The following TMEM135 variants were observed in gnomAD, a reference collection of about 807,000 sequenced individuals.
The protein encoded by TMEM135 is transmembrane protein 135.
TMEM135 carries 30 observed loss-of-function variants against 60.3 expected under a neutral mutation model. The ratio of observed to expected loss-of-function variants is 0.50; its 90% confidence interval spans 0.37 to 0.68. TMEM135 has a LOEUF of 0.68. Ranked by LOEUF, TMEM135 falls within the 30% of genes least tolerant of loss-of-function variation. The pLI, the probability that TMEM135 is intolerant of heterozygous loss-of-function variation, is 0.00. For synonymous variants in TMEM135, 190 were observed against 186.7 expected, an observed-to-expected ratio of 1.02 and a Z score of -0.14; for missense variants, 468 against 548.8, an observed-to-expected ratio of 0.85 and a Z score of 1.47.
At chr11:87,111,248 G>T (rs2168467) in intron 4 of TMEM135, among the ~76,000 whole-genome samples, 1 of 151,736 alleles carries the variant, frequency 6.6e-6, no homozygotes, top group Non-Finnish European at 1.5e-5. Flanking sequence ...GGATTTTTTT[G>T]TTTCACATCT....
chr11:87,168,103 G>A (rs1939116527), intron 5 of TMEM135, among the ~76,000 whole-genome samples: 1 of 152,126 alleles, frequency 6.6e-6, no homozygotes, highest in African/African-American at 2.4e-5. Context: ...GCATAGAGGT[G>A]TTTCTAGTAT....
At chr11:87,168,794 G>T (rs557876023) in intron 5 of TMEM135, among the ~76,000 whole-genome samples, 2 of 152,158 alleles carry the variant, frequency 1.3e-5, no homozygotes, top group Non-Finnish European at 2.9e-5. Flanking sequence ...GATTTGGGTT[G>T]GAGATTTCTG....
chr11:87,218,661 G>T (rs1185970821), intron 5 of TMEM135, among the ~76,000 whole-genome samples: 1 of 152,078 alleles, frequency 6.6e-6, no homozygotes, highest in African/African-American at 2.4e-5. Flanking sequence ...AACTCACAGG[G>T]CTATAAAAAT....
chr11:87,238,882 C>A (rs1941066602), intron 6 of TMEM135, among the ~76,000 whole-genome samples: 1 of 151,906 alleles, frequency 6.6e-6, no homozygotes, highest in Non-Finnish European at 1.5e-5. Context: ...CGTGAAAATT[C>A]CTAACAGAAC....
chr11:87,122,658 G>A (rs1236041170), intron 4 of TMEM135, among the ~76,000 whole-genome samples: 3 of 151,736 alleles, frequency 2.0e-5, no homozygotes, highest in African/African-American at 7.3e-5. Flanking sequence ...ACGGGGTTTC[G>A]CCATGTTGGC....
At chr11:87,185,793 A>G (rs1939638719) in intron 5 of TMEM135, among the ~76,000 whole-genome samples, 2 of 152,244 alleles carry the variant, frequency 1.3e-5, no homozygotes, top group South Asian at 2.1e-4. Flanking sequence ...ACATTATTCA[A>G]AATGATGCAT....
intron 5 of TMEM135, among the ~76,000 whole-genome samples, chr11:87,234,561 A>G (rs1324066726): frequency 2.6e-5 from 4 of 152,034 alleles, no homozygotes; most frequent in Non-Finnish European, 5.9e-5. Context: ...TATCTAGATC[A>G]CTTATGTCAG....
At chr11:87,261,218 C>G (rs1371512186) in intron 6 of TMEM135, among the ~76,000 whole-genome samples, 1 of 152,148 alleles carries the variant, frequency 6.6e-6, no homozygotes, top group Non-Finnish European at 1.5e-5. Context: ...TATCAGGTCT[C>G]TTTCCCCTCC....
At position 87,325,007 on chromosome 11, in the gene TMEM135, G is replaced by A. The variant is rs1161413753; in HGVS notation, c.*3674G>A. On this transcript the variant is annotated 3_prime_UTR_variant, in exon 15 of 15. Coordinates refer to ENST00000305494, the MANE Select transcript of TMEM135 (RefSeq NM_022918.4). ...GTAATAAGGTTACCTTCATTGTGGA[G>A]GTGATGTTTACAATTGCCTCCAGCC... 1 of 453,838 alleles carries A rather than the reference G, an allele frequency of 2.2e-6. No homozygotes were observed. Among genetic ancestry groups the A allele is most frequent in the Non-Finnish European group, 4.4e-6 (1 of 226,748 alleles). 28.1% of individuals were successfully genotyped at this position (453,838 alleles called of 1,614,324 possible).
chr11:87,285,664 A>G (rs1942150985), intron 6 of TMEM135, among the ~76,000 whole-genome samples: 1 of 152,218 alleles, frequency 6.6e-6, no homozygotes, highest in Non-Finnish European at 1.5e-5. Flanking sequence ...TGCGGACCTA[A>G]AGAGTGAGCA....
At chr11:87,291,453 C>A (rs1242379564) in intron 6 of TMEM135, among the ~76,000 whole-genome samples, 1 of 151,540 alleles carries the variant, frequency 6.6e-6, no homozygotes. Flanking sequence ...CATCGTTCCC[C>A]TCCTAACTTG....
At chr11:87,287,996 T>C (rs1433524553) in intron 6 of TMEM135, among the ~76,000 whole-genome samples, 1 of 152,168 alleles carries the variant, frequency 6.6e-6, no homozygotes, top group Non-Finnish European at 1.5e-5. Context: ...TATATAAATT[T>C]ATGCTTATTG....
chr11:87,229,727 G>A (rs1397633503), intron 5 of TMEM135, among the ~76,000 whole-genome samples: 1 of 152,078 alleles, frequency 6.6e-6, no homozygotes, highest in African/African-American at 2.4e-5. Flanking sequence ...TATGCTTTGT[G>A]TATGTAAAAT....
At chr11:87,282,643 G>C (rs996111020) in intron 6 of TMEM135, among the ~76,000 whole-genome samples, 1 of 152,152 alleles carries the variant, frequency 6.6e-6, no homozygotes, top group Admixed American at 6.5e-5. Context: ...GAAGACCATT[G>C]TTCTCTACTT....
At chr11:87,133,059 A>G (rs576714552) in intron 4 of TMEM135, among the ~76,000 whole-genome samples, 1 of 152,324 alleles carries the variant, frequency 6.6e-6, no homozygotes, top group South Asian at 2.1e-4. Context: ...CATAGCATCT[A>G]TAGCGTGGAT....
At chr11:87,202,012 A>ATGTTATGTTACGTT (rs1565484440) in intron 5 of TMEM135, among the ~76,000 whole-genome samples, 12 of 24,136 alleles carry the variant, frequency 5.0e-4, no homozygotes, top group African/African-American at 2.0e-3. Flanking sequence ...TATGTTATGT[A>ATGTTATGTTACGTT]ATGTTATGTT....
chr11:87,277,145 T>C (rs1941983177), intron 6 of TMEM135: 1 of 168,936 alleles, frequency 5.9e-6, no homozygotes, highest in African/African-American at 2.4e-5. Context: ...AAACAAGATT[T>C]TTTTGAGACC....
chr11:87,127,126 G>C (rs963365896), intron 4 of TMEM135, among the ~76,000 whole-genome samples: 29 of 152,236 alleles, frequency 1.9e-4, no homozygotes, highest in South Asian at 8.3e-4. Flanking sequence ...AAAGTAATCT[G>C]GTTCCTTTTG....
intron 4 of TMEM135, among the ~76,000 whole-genome samples, chr11:87,154,683 G>A (rs1466691026): frequency 6.6e-6 from 1 of 152,162 alleles, no homozygotes; most frequent in African/African-American, 2.4e-5. Flanking sequence ...TGGATGGGAA[G>A]TGGTATCTCA....
Sources: gnomAD v4.1 joint callset for allele counts (sites outside exome capture counted in the v4.1 genomes callset) on GRCh38, gnomAD v4.1.1 for gene constraint, MANE v1.5 for transcripts, NCBI Gene and HGNC (gene_info 2026-07-23, HGNC 2026-07-21) for gene names.